LY6H: variants seen among roughly 807,000 people sequenced by gnomAD.
The protein encoded by LY6H is lymphocyte antigen 6 family member H.
LY6H carries 8 observed loss-of-function variants against 14.6 expected under a neutral mutation model. That is an observed-to-expected ratio of 0.55 (90% confidence interval 0.32 to 0.99). The LOEUF (loss-of-function observed/expected upper bound fraction) is 0.99. Among genes scored for constraint, LY6H ranks in the 50% least tolerant of loss-of-function variants. LY6H has a pLI of 0.04. For missense variants in LY6H, 196 were observed against 219.6 expected (o/e 0.89, Z 0.68); for synonymous variants, 115 against 97.2 (o/e 1.18, Z -1.08).
intron 1 of LY6H, chr8:143,159,949 C>T (rs967828905): frequency 3.2e-6 from 4 of 1,236,422 alleles, no homozygotes; most frequent in African/African-American, 3.1e-5. Flanking sequence ...TGTGGGGGAG[C>T]GGATGGGGGG....
chr8:143,159,034 C>T lies in LY6H; in HGVS notation c.131-112G>A, dbSNP rs1010617099. ...GCAGGCACTCCTGGGAGAGCCCGACCCCACGGGAGGGAGCAGGCCCCCATG... is the reference window on the plus strand; with the variant it reads ...GCAGGCACTCCTGGGAGAGCCCGACTCCACGGGAGGGAGCAGGCCCCCATG... On this transcript the variant is annotated intron_variant, in intron 2 of 3. Coordinates refer to ENST00000342752, the MANE Select transcript of LY6H (RefSeq NM_001135655.2). 4 of 1,440,962 alleles carry T rather than the reference C, an allele frequency of 2.8e-6. No homozygotes were observed. The Admixed American group carries it at 5.9e-5, about 21-fold the overall frequency. The allele number at this position is 1,440,962 out of a possible 1,614,324, so 89.3% of individuals were successfully genotyped here.
At chr8:143,160,101 C>G (rs553493527) in intron 1 of LY6H, 97 bp downstream of exon 1, 2 of 1,077,456 alleles carry the variant, frequency 1.9e-6, no homozygotes, top group East Asian at 6.5e-5. Context: ...CCGGGAACCC[C>G]GGGCCGAGTC....
At position 143,158,788 on chromosome 8, in the gene LY6H, T is replaced by C; in HGVS notation, c.250+15A>G. 1.9e-6 allele frequency: 3 copies of C among 1,572,084 alleles called. No individual in the cohort carries two copies. Among genetic ancestry groups the C allele is most frequent in the Non-Finnish European group, 2.6e-6 (3 of 1,154,120 alleles). On this transcript the variant is annotated intron_variant, in intron 3 of 3. Transcript: ENST00000342752. ...GCTTTTAGCACATTCCCCACCACCC[T>C]AAGTCCCAACTTACTGCTGCTGGGA...
chr8:143,159,410 C>CCA, intron 2 of LY6H, 172 bp downstream of exon 2: 1 of 719,714 alleles, frequency 1.4e-6, no homozygotes, highest in South Asian at 2.2e-5. Context: ...AGCCCAGTGC[C>CCA]GGGGCAGAGG....
chr8:143,160,183 G>A lies in LY6H; in HGVS notation c.2+15C>T, dbSNP rs778622619. On this transcript the variant is annotated intron_variant, in intron 1 of 3. Coordinates refer to ENST00000342752, the MANE Select transcript of LY6H (RefSeq NM_001135655.2). ...GGCGTGGAGCGCGGGCCTCGGGGTC[G>A]GGGGGCTCACTCACATCCCGGGGGT... The A allele has an allele frequency of 1.4e-5, 18 of 1,283,012 alleles. No individual in the cohort carries two copies. Among genetic ancestry groups the A allele is most frequent in the Non-Finnish European group, 1.8e-5 (18 of 1,014,528 alleles). The allele number at this position is 1,283,012 out of a possible 1,614,324, so 79.5% of individuals were successfully genotyped here. A position where few individuals can be genotyped will look rare whatever the true frequency, so the allele number is the denominator to read the frequency against.
chr8:143,160,205 G>A lies in LY6H; in HGVS notation c.-6C>T. On this transcript the variant is annotated 5_prime_UTR_variant, in exon 1 of 4. Transcript: ENST00000342752. ...GTCGGGGGGCTCACTCACATCCCGG[G>A]GGTGTCCGCACTCCGGGCTCGGGCG... 3.1e-6 allele frequency: 4 copies of A among 1,284,854 alleles called. No homozygotes were observed. Among genetic ancestry groups the A allele is most frequent in the Non-Finnish European group, 3.9e-6 (4 of 1,015,372 alleles). 79.6% of individuals were successfully genotyped at this position (1,284,854 alleles called of 1,614,324 possible).
chr8:143,159,209 C>G, intron 2 of LY6H: 1 of 573,538 alleles, frequency 1.7e-6, no homozygotes, highest in East Asian at 2.9e-5. Context: ...CCCACACCGA[C>G]AGTGCCCCCC....
rs369865856 is a variant in LY6H, at chr8:143,158,711, G to A, written c.250+92C>T. On this transcript the variant is annotated intron_variant, in intron 3 of 3. Coordinates refer to ENST00000342752, the MANE Select transcript of LY6H (RefSeq NM_001135655.2). ...CCTGCCGCCCCACGCTCTCACTCTC[G>A]TCCCAGGCCAGAGGGGCTCCGAGGA... 58 of 1,489,948 alleles carry A rather than the reference G, an allele frequency of 3.9e-5. No homozygotes were observed. In the East Asian group the frequency reaches 1.1e-3, roughly 28 times the overall value. The allele number at this position is 1,489,948 out of a possible 1,614,324, so 92.3% of individuals were successfully genotyped here.
chr8:143,160,245 G>A lies in LY6H; in HGVS notation c.-46C>T. On this transcript the variant is annotated 5_prime_UTR_variant, in exon 1 of 4. Coordinates refer to ENST00000342752, the MANE Select transcript of LY6H (RefSeq NM_001135655.2). ...GGGCTCGGGCGGCGTGCGCGGCGCGGGGAGCTGTGCCCTTCGGTCTCCCTG... is the reference window on the plus strand; with the variant it reads ...GGGCTCGGGCGGCGTGCGCGGCGCGAGGAGCTGTGCCCTTCGGTCTCCCTG... 1 of 1,276,184 alleles carries A rather than the reference G, an allele frequency of 7.8e-7. No individual in the cohort carries two copies. Among genetic ancestry groups the A allele is most frequent in the East Asian group, 2.9e-5 (1 of 34,674 alleles). The allele number at this position is 1,276,184 out of a possible 1,614,324, so 79.1% of individuals were successfully genotyped here.
Position 143,158,052 on chromosome 8 carries a change from T to G in LY6H, c.*198A>C. 17 of 554,920 alleles carry G rather than the reference T, an allele frequency of 3.1e-5. No individual in the cohort carries two copies. The highest frequency in any genetic ancestry group is 6.1e-5 in the East Asian group (2 of 32,962). The allele number at this position is 554,920 out of a possible 1,614,324, so 34.4% of individuals were successfully genotyped here. The stretch of plus-strand genomic sequence containing the variant: ...CTCCTGCCCAGATGGCCTGGTTTCC[T>G]GGAGATGTCCAGCTGCCTGGGACTC... On this transcript the variant is annotated 3_prime_UTR_variant, in exon 4 of 4. Coordinates refer to ENST00000342752, the MANE Select transcript of LY6H (RefSeq NM_001135655.2).
chr8:143,158,663 G>T (rs1815512406), intron 3 of LY6H, 140 bp downstream of exon 3: 2 of 1,262,220 alleles, frequency 1.6e-6, no homozygotes, highest in Middle Eastern at 4.0e-4. Flanking sequence ...GGAGCCAGGG[G>T]GGGACAGCAG....
At chr8:143,159,305 C>T in intron 2 of LY6H, 1 of 540,752 alleles carries the variant, frequency 1.8e-6, no homozygotes, top group South Asian at 2.5e-5. Context: ...TGAAAGGAGG[C>T]CCGGGAGGCT....
At chr8:143,158,614 C>A in intron 3 of LY6H, 129 bp from the exon 4 acceptor site, 1 of 1,147,140 alleles carries the variant, frequency 8.7e-7, no homozygotes, top group South Asian at 1.5e-5. Flanking sequence ...TCCCTCCACC[C>A]TCCCACGCTG....
In LY6H at chr8:143,159,229, C is replaced by T. The variant is rs1274718443; in HGVS notation, c.131-307G>A. On this transcript the variant is annotated intron_variant, in intron 2 of 3. Coordinates refer to ENST00000342752, the MANE Select transcript of LY6H (RefSeq NM_001135655.2). ...ACCGACAGTGCCCCCCTCACACTCC[C>T]GCCCCGCCTCACATATCCCCCCCAG... 18 of 564,200 alleles carry T rather than the reference C, an allele frequency of 3.2e-5. No individual in the cohort carries two copies. In the East Asian group the frequency reaches 5.1e-4, roughly 16 times the overall value. The allele number at this position is 564,200 out of a possible 1,614,324, so 34.9% of individuals were successfully genotyped here. A position where few individuals can be genotyped will look rare whatever the true frequency, so the allele number is the denominator to read the frequency against.
intron 2 of LY6H, 42 bp downstream of exon 2, chr8:143,159,540 C>A: frequency 6.8e-7 from 1 of 1,460,132 alleles, no homozygotes; most frequent in Non-Finnish European, 9.0e-7. Flanking sequence ...GCGCCTCGGG[C>A]TCTCCCAGGC....
chr8:143,159,296 G>C (rs1469237103), intron 2 of LY6H: 1 of 541,070 alleles, frequency 1.8e-6, no homozygotes, highest in Non-Finnish European at 3.3e-6. Flanking sequence ...AACTGGATTT[G>C]AAAGGAGGCC....
At position 143,159,479 on chromosome 8, in the gene LY6H, G is replaced by C. The variant is rs1586674141; in HGVS notation, c.130+103C>G. 9 of 1,326,354 alleles carry C rather than the reference G, an allele frequency of 6.8e-6. No individual in the cohort carries two copies. In the East Asian group the frequency reaches 2.4e-4, roughly 35 times the overall value. The allele number at this position is 1,326,354 out of a possible 1,614,324, so 82.2% of individuals were successfully genotyped here. On this transcript the variant is annotated intron_variant, in intron 2 of 3. Coordinates refer to ENST00000342752, the MANE Select transcript of LY6H (RefSeq NM_001135655.2). ...GGAGGGGGCGTGGGCTCTATGCGAA[G>C]TGCGGTGGGAACCGTCAGAGGGTGG...
rs1056731698 is a variant in LY6H at position 143,159,564 on chromosome 8, C to T, written c.130+18G>A. On this transcript the variant is annotated intron_variant, in intron 2 of 3. Coordinates refer to ENST00000342752, the MANE Select transcript of LY6H (RefSeq NM_001135655.2). ...GCTCTCCCAGGCACCTGACCCAGCCCGCGGGCCCCCTACTCACCGGGCGCC... is the reference window on the plus strand; with the variant it reads ...GCTCTCCCAGGCACCTGACCCAGCCTGCGGGCCCCCTACTCACCGGGCGCC... 3 of 1,494,122 alleles carry T rather than the reference C, an allele frequency of 2.0e-6. No individual in the cohort carries two copies. The South Asian group carries it at 3.7e-5, about 19-fold the overall frequency. 92.6% of individuals were successfully genotyped at this position (1,494,122 alleles called of 1,614,324 possible). A position where few individuals can be genotyped will look rare whatever the true frequency, so the allele number is the denominator to read the frequency against.
chr8:143,160,015 G>T, intron 1 of LY6H, 183 bp downstream of exon 1: 1 of 1,218,648 alleles, frequency 8.2e-7, no homozygotes, highest in Non-Finnish European at 1.0e-6. Flanking sequence ...GAGCGGCAGG[G>T]GCGGGAGCGG....
Sources: gnomAD v4.1 joint callset for allele counts on GRCh38, gnomAD v4.1.1 for gene constraint, MANE v1.5 for transcripts, NCBI Gene and HGNC (gene_info 2026-07-23, HGNC 2026-07-21) for gene names.